QTMAN: variants seen among roughly 807,000 people sequenced by gnomAD.
The protein encoded by QTMAN is queuosine-tRNA mannosyltransferase.
At chr2:144,133,442 A>AATATATATT in the QTMAN span, among the ~76,000 whole-genome samples, 1 of 59,822 alleles carries the variant, frequency 1.7e-5, no homozygotes, top group African/African-American at 1.0e-4. Flanking sequence ...TATAATATAT[A>AATATATATT]ATATATAATA....
the QTMAN span, among the ~76,000 whole-genome samples, chr2:143,960,516 A>G: frequency 6.6e-6 from 1 of 152,224 alleles, no homozygotes; most frequent in African/African-American, 2.4e-5. Context: ...ACTTAATGTG[A>G]TAAGATCAGA....
the QTMAN span, among the ~76,000 whole-genome samples, chr2:144,161,881 T>C: frequency 1.3e-5 from 2 of 152,230 alleles, no homozygotes; most frequent in Admixed American, 6.5e-5. Flanking sequence ...GAGCTTACCA[T>C]AGATTCTATT....
the QTMAN span, among the ~76,000 whole-genome samples, chr2:144,267,019 C>G: frequency 6.6e-6 from 1 of 151,638 alleles, no homozygotes; most frequent in Non-Finnish European, 1.5e-5. Context: ...CTAAAAATGT[C>G]AAGGTATTAA....
chr2:144,116,012 G>A, the QTMAN span, among the ~76,000 whole-genome samples: 1 of 152,118 alleles, frequency 6.6e-6, no homozygotes, highest in Non-Finnish European at 1.5e-5. Context: ...AAGCAGGGAA[G>A]AGCAGAAATC....
At chr2:144,034,491 C>A in the QTMAN span, among the ~76,000 whole-genome samples, 1 of 152,100 alleles carries the variant, frequency 6.6e-6, no homozygotes, top group East Asian at 1.9e-4. Flanking sequence ...AATTTAGACA[C>A]GTTAGTGTCT....
chr2:144,020,470 GA>G, the QTMAN span, among the ~76,000 whole-genome samples: 1 of 152,222 alleles, frequency 6.6e-6, no homozygotes, highest in Non-Finnish European at 1.5e-5. Flanking sequence ...CCAGGATACA[GA>G]AAACCCTCTG....
the QTMAN span, among the ~76,000 whole-genome samples, chr2:144,069,236 T>C: frequency 1.3e-5 from 2 of 151,058 alleles, no homozygotes; most frequent in African/African-American, 4.9e-5. Flanking sequence ...AAAGGGCATA[T>C]GCTTACCTTC....
chr2:144,027,425 TA>T, the QTMAN span, among the ~76,000 whole-genome samples: 1 of 152,144 alleles, frequency 6.6e-6, no homozygotes, highest in Non-Finnish European at 1.5e-5. Flanking sequence ...TTTATAAAAA[TA>T]AGGCAAATGG....
chr2:143,972,476 T>C, the QTMAN span, among the ~76,000 whole-genome samples: 1 of 152,018 alleles, frequency 6.6e-6, no homozygotes, highest in East Asian at 1.9e-4. Flanking sequence ...GGTATTAAAG[T>C]AAAAGTAGAT....
chr2:144,068,722 G>A, the QTMAN span, among the ~76,000 whole-genome samples: 1 of 152,140 alleles, frequency 6.6e-6, no homozygotes, highest in Non-Finnish European at 1.5e-5. Flanking sequence ...TCAACATTAT[G>A]CCAAAACAAA....
chr2:144,048,935 G>C, the QTMAN span, among the ~76,000 whole-genome samples: 1 of 152,214 alleles, frequency 6.6e-6, no homozygotes, highest in Non-Finnish European at 1.5e-5. Flanking sequence ...TCAGAAGAAA[G>C]TGGAGAGACA....
the QTMAN span, among the ~76,000 whole-genome samples, chr2:144,307,188 TAAAAA>T: frequency 3.4e-3 from 279 of 81,260 alleles, 1 homozygote; most frequent in African/African-American, 0.012. Flanking sequence ...AAAAAACAAT[TAAAAA>T]AAAAAAAAAG....
chr2:144,111,038 C>A, the QTMAN span, among the ~76,000 whole-genome samples: 2 of 152,118 alleles, frequency 1.3e-5, no homozygotes, highest in Admixed American at 6.6e-5. Context: ...TGCAAAAAAT[C>A]CAAAGAAAAT....
chr2:144,110,204 T>G, the QTMAN span, among the ~76,000 whole-genome samples: 3 of 152,206 alleles, frequency 2.0e-5, no homozygotes, highest in Non-Finnish European at 4.4e-5. Flanking sequence ...TGGAATACTA[T>G]GCAGCCATAA....
At chr2:144,177,340 C>T in the QTMAN span, 3 of 593,984 alleles carry the variant, frequency 5.1e-6, no homozygotes, top group Non-Finnish European at 9.0e-6. Context: ...AAAACAATAG[C>T]CAAGTAAACT....
At chr2:143,946,371 C>T in the QTMAN span, 1 of 152,202 alleles carries the variant, frequency 6.6e-6, no homozygotes, top group East Asian at 1.9e-4. Context: ...CTCTGTGAAT[C>T]ATGGGAATAC....
chr2:143,957,293 G>T, the QTMAN span: 3 of 1,609,612 alleles, frequency 1.9e-6, no homozygotes, highest in Non-Finnish European at 1.7e-6. Context: ...AGTAGCCCCA[G>T]TGTAAGACAG....
At chr2:144,313,850 G>A in the QTMAN span, among the ~76,000 whole-genome samples, 2 of 150,210 alleles carry the variant, frequency 1.3e-5, no homozygotes, top group African/African-American at 4.9e-5. Context: ...TACTCCTACA[G>A]GCTCTCTGGC....
the QTMAN span, among the ~76,000 whole-genome samples, chr2:144,280,208 C>A: frequency 6.6e-6 from 1 of 152,112 alleles, no homozygotes; most frequent in East Asian, 1.9e-4. Flanking sequence ...CAACACATAC[C>A]CAAAGATGGA....
Sources: gnomAD v4.1 joint callset for allele counts (sites outside exome capture counted in the v4.1 genomes callset) on GRCh38, gnomAD v4.1.1 for gene constraint, MANE v1.5 for transcripts, NCBI Gene and HGNC (gene_info 2026-07-23, HGNC 2026-07-21) for gene names.